CDH23: variants seen among roughly 807,000 people sequenced by gnomAD.
CDH23 encodes cadherin related 23, also known as cadherin-23.
A neutral mutation model predicts 317.1 loss-of-function variants in CDH23; 189 were observed. That is an observed-to-expected ratio of 0.60 (90% CI 0.53 to 0.67). The LOEUF (loss-of-function observed/expected upper bound fraction) is 0.67, where lower values mean the gene tolerates loss of function less well. Among genes scored for constraint, CDH23 ranks in the 30% least tolerant of loss-of-function variants. The pLI, the probability that CDH23 is intolerant of heterozygous loss-of-function variation, is 0.00. For synonymous variants in CDH23, 1,839 were observed against 1,876.8 expected (o/e 0.98, Z 0.52); for missense variants, 4,401 against 4,592.4 (o/e 0.96, Z 1.20).
intron 14 of CDH23, among the ~76,000 whole-genome samples, chr10:71,648,787 G>C (rs956734): frequency 6.6e-6 from 1 of 152,056 alleles, no homozygotes; most frequent in Non-Finnish European, 1.5e-5. Context: ...CAGCAGATCC[G>C]GCCAGCCTCC....
chr10:71,596,194 A>T (rs7096514), intron 9 of CDH23, among the ~76,000 whole-genome samples: 2,743 of 152,106 alleles, frequency 0.018, 79 homozygotes, highest in African/African-American at 0.063. Context: ...TGCAGCCATA[A>T]TTAGGATGTC....
At chr10:71,704,736 A>G (rs1865714508) in intron 24 of CDH23, among the ~76,000 whole-genome samples, 175 bp from the exon 25 acceptor site, 1 of 152,116 alleles carries the variant, frequency 6.6e-6, no homozygotes. Flanking sequence ...ACCCCCTTAG[A>G]GGGTGCCTGG....
chr10:71,684,337 G>A (rs971303105), intron 18 of CDH23, among the ~76,000 whole-genome samples: 11 of 152,098 alleles, frequency 7.2e-5, no homozygotes, highest in African/African-American at 2.4e-4. Flanking sequence ...CCCACCCATC[G>A]CTTTCAACCA....
intron 35 of CDH23, among the ~76,000 whole-genome samples, chr10:71,739,153 C>T (rs10823837): frequency 0.47 from 72,102 of 152,068 alleles, 18,783 homozygotes; most frequent in Non-Finnish European, 0.59. Flanking sequence ...TCGAGGGATG[C>T]TGGCTTTGGA....
intron 14 of CDH23, among the ~76,000 whole-genome samples, chr10:71,673,190 G>A (rs887491072): frequency 2.0e-5 from 3 of 152,172 alleles, no homozygotes; most frequent in African/African-American, 4.8e-5. Flanking sequence ...CGTCTGTGCT[G>A]TGCAGTGAGC....
intron 3 of CDH23, among the ~76,000 whole-genome samples, chr10:71,496,274 A>G (rs1348878534): frequency 6.6e-6 from 1 of 152,260 alleles, no homozygotes; most frequent in Non-Finnish European, 1.5e-5. Context: ...CCATTAATTA[A>G]CATCTTTTTA....
At chr10:71,812,144 CCACCCTCCCTT>C (rs150570728) in intron 66 of CDH23, 129 bp downstream of exon 66, 27 of 1,594,226 alleles carry the variant, frequency 1.7e-5, no homozygotes, top group Non-Finnish European at 2.3e-5. Flanking sequence ...GGTGGGCGGG[CCACCCTCCCTT>C]CACCCTCCCT....
At chr10:71,654,289 G>GGGCCCTGCAGCTTACGTGGCT (rs1395071209) in intron 14 of CDH23, among the ~76,000 whole-genome samples, 1 of 152,174 alleles carries the variant, frequency 6.6e-6, no homozygotes, top group Non-Finnish European at 1.5e-5. Flanking sequence ...ATGTTACTCT[G>GGGCCCTGCAGCTTACGTGGCT]GGCCCTGCAG....
rs780175051 is a variant in CDH23, at chr10:71,694,254, G to A, written c.2284G>A (p.Ala762Thr). Residue 762 changes from alanine to threonine, a missense_variant, in exon 21 of 70, where the codon GCC (alanine) becomes ACC (threonine). By Grantham distance (58) the Ala-to-Thr change is moderately conservative. Coordinates refer to ENST00000224721, the MANE Select transcript of CDH23 (RefSeq NM_022124.6). ...GGGCCACAACCAGAAAACTGGCATC[G>A]CCACCGTGAGTGCGCTCCCCTCCCG... ...GVGHNQKTGIATVNITLLDIN... is the reference protein window; with the variant it reads ...GVGHNQKTGITTVNITLLDIN... 9.3e-6 allele frequency: 15 copies of A among 1,610,810 alleles called. No individual in the cohort carries two copies. The highest frequency in any genetic ancestry group is 3.3e-5 in the South Asian group (3 of 90,928).
intron 47 of CDH23, among the ~76,000 whole-genome samples, chr10:71,792,844 AAAAAAAAAATATAT>A (rs1841295130): frequency 4.3e-5 from 3 of 70,090 alleles, no homozygotes; most frequent in Non-Finnish European, 8.5e-5. Context: ...AAAAAAAAAA[AAAAAAAAAATATAT>A]ATATATATAT....
chr10:71,506,443 C>A (rs1403396727), intron 3 of CDH23, among the ~76,000 whole-genome samples: 1 of 152,198 alleles, frequency 6.6e-6, no homozygotes, highest in Non-Finnish European at 1.5e-5. Flanking sequence ...TCCTTCAGCC[C>A]TGAGATGCAA....
chr10:71,669,013 A>C (rs995976846), intron 14 of CDH23, among the ~76,000 whole-genome samples: 2 of 152,242 alleles, frequency 1.3e-5, no homozygotes, highest in Admixed American at 6.5e-5. Context: ...ACGCCTTATA[A>C]ATCAGGCACT....
At chr10:71,717,668 C>G (rs941435514) in intron 28 of CDH23, 1 of 152,228 alleles carries the variant, frequency 6.6e-6, no homozygotes, top group Non-Finnish European at 1.5e-5. Flanking sequence ...CTGGCTGGGC[C>G]CTCTCAAGGA....
At chr10:71,486,129 T>A (rs1037687366) in intron 3 of CDH23, among the ~76,000 whole-genome samples, 9 of 152,214 alleles carry the variant, frequency 5.9e-5, no homozygotes, top group African/African-American at 1.7e-4. Context: ...AATGGGAGAA[T>A]TAAGCTGCGA....
In CDH23 at chr10:71,743,388, T is replaced by C. The variant is rs372023725; in HGVS notation, c.4845+1467T>C. Among the ~76,000 whole-genome samples, 66 of 152,242 alleles carry C rather than the reference T, an allele frequency of 4.3e-4. 1 individual carries two copies. The South Asian group carries it at 0.012, about 28-fold the overall frequency. Reference sequence around the variant, plus strand: ...GGGTCACACCAGGTCTGGGCAGGGCTCTTTGTCTGGAGCTTCTCTGGAGAT... The same window carrying C: ...GGGTCACACCAGGTCTGGGCAGGGCCCTTTGTCTGGAGCTTCTCTGGAGAT... On this transcript the variant is annotated intron_variant, in intron 38 of 69. Coordinates refer to ENST00000224721, the MANE Select transcript of CDH23 (RefSeq NM_022124.6).
intron 53 of CDH23, among the ~76,000 whole-genome samples, chr10:71,801,641 G>C (rs6480557): frequency 0.27 from 41,403 of 151,820 alleles, 6,031 homozygotes; most frequent in East Asian, 0.53. Context: ...TCTTTGGCAG[G>C]CCTATCTTTC....
Position 71,793,582 on chromosome 10 carries a change from C to T in CDH23, c.6654C>T (p.Asp2218=), listed in dbSNP as rs537236734. Residue 2218 remains aspartate (D), a synonymous_variant, in exon 48 of 70, where the codon GAC becomes GAT. Coordinates refer to ENST00000224721, the MANE Select transcript of CDH23 (RefSeq NM_022124.6). ...ACATTGTCGGCATTGTGGCCAAGGA[C>T]GACACTGATCGCCTGGTGCCCAACC... ...EYHIVGIVAK[D]DTDRLVPNQE... The T allele has an allele frequency of 2.0e-5, 33 of 1,610,290 alleles. No homozygotes were observed. The highest frequency in any genetic ancestry group is 4.0e-5 in the African/African-American group (3 of 74,958).
chr10:71,399,123 G>A (rs1002035812), intron 1 of CDH23, among the ~76,000 whole-genome samples: 3 of 152,230 alleles, frequency 2.0e-5, no homozygotes, highest in Non-Finnish European at 4.4e-5. Context: ...TTTGAGCCAA[G>A]TATTTTAAAG....
At chr10:71,645,722 A>C (rs1251696460) in intron 12 of CDH23, 109 bp from the exon 13 acceptor site, 3 of 1,322,112 alleles carry the variant, frequency 2.3e-6, no homozygotes, top group Non-Finnish European at 3.2e-6. Flanking sequence ...CATTGCCCCA[A>C]CCAAAGCAGC....
Sources: allele counts gnomAD v4.1 joint callset (sites outside exome capture counted in the v4.1 genomes callset), GRCh38; gene constraint gnomAD v4.1.1; transcripts MANE v1.5; gene names NCBI Gene and HGNC (gene_info 2026-07-23, HGNC 2026-07-21).